MYO3A: variants seen among roughly 807,000 people sequenced by gnomAD.
MYO3A encodes the protein myosin-IIIa.
A neutral mutation model predicts 192.7 loss-of-function variants in MYO3A; 180 were observed. The observed-to-expected ratio is 0.93, with a 90% CI of 0.83 to 1.06. The LOEUF is 1.06. MYO3A is among the 50% of genes least tolerant of loss of function. The pLI is 0.00. For missense variants in MYO3A, 1,896 were observed against 1,905.0 expected (o/e 1.00, Z 0.09); for synonymous variants, 628 against 645.3 (o/e 0.97, Z 0.41).
chr10:26,165,564 CAT>C (rs760154824), intron 26 of MYO3A, among the ~76,000 whole-genome samples: 49 of 152,252 alleles, frequency 3.2e-4, no homozygotes, highest in Middle Eastern at 3.4e-3. Context: ...TAGCAGGAGA[CAT>C]AGTGTCCCTC....
chr10:26,030,488 G>A (rs1842756284), intron 10 of MYO3A, among the ~76,000 whole-genome samples: 1 of 152,130 alleles, frequency 6.6e-6, no homozygotes, highest in South Asian at 2.1e-4. Flanking sequence ...ATTCACACTA[G>A]TCCCAAAGTG....
At chr10:26,207,974 G>A (rs537227930) in intron 34 of MYO3A, among the ~76,000 whole-genome samples, 1 of 152,040 alleles carries the variant, frequency 6.6e-6, no homozygotes, top group Non-Finnish European at 1.5e-5. Flanking sequence ...ACTTTTCAAT[G>A]TATAGATCTT....
rs1471640823 is a variant in MYO3A at position 26,178,702 on chromosome 10, C to CA, written c.4438+1858dup. ...ATTCATCTGTTTTCAAAAGGGAACT[C>CA]AGACAGTCTGAAGACAGTAGGAATT... On this transcript the variant is annotated intron_variant, in intron 31 of 34. Transcript: ENST00000642920. Among the ~76,000 whole-genome samples, 5 of 152,246 alleles carry CA rather than the reference C, an allele frequency of 3.3e-5. No homozygotes were observed. In the East Asian group the frequency reaches 9.7e-4, roughly 29 times the overall value.
chr10:26,034,320 G>T (rs1262124295), intron 10 of MYO3A, among the ~76,000 whole-genome samples: 1 of 152,052 alleles, frequency 6.6e-6, no homozygotes. Flanking sequence ...CACAAGAGTG[G>T]GTGCCCAGAC....
chr10:25,995,763 G>A (rs1380382717), intron 4 of MYO3A, among the ~76,000 whole-genome samples: 1 of 152,226 alleles, frequency 6.6e-6, no homozygotes, highest in Non-Finnish European at 1.5e-5. Context: ...TTTGCTGGAG[G>A]TCCACTCCAG....
At chr10:25,938,073 T>C (rs757537654) in intron 2 of MYO3A, among the ~76,000 whole-genome samples, 8 of 152,244 alleles carry the variant, frequency 5.3e-5, no homozygotes, top group Non-Finnish European at 1.0e-4. Context: ...ATTTAATTTT[T>C]TGTAGGTTTC....
chr10:26,174,833 G>A (rs529293008), intron 30 of MYO3A, among the ~76,000 whole-genome samples: 2 of 152,110 alleles, frequency 1.3e-5, no homozygotes, highest in East Asian at 3.9e-4. Flanking sequence ...GCTGAGGCTC[G>A]ACAGTGAAAA....
chr10:26,050,568 A>G (rs1255081474), intron 10 of MYO3A, among the ~76,000 whole-genome samples: 2 of 152,220 alleles, frequency 1.3e-5, no homozygotes, highest in African/African-American at 4.8e-5. Context: ...CTCTAAGCTA[A>G]GCGTGGAGTG....
At chr10:25,937,232 T>TG (rs1261119026) in intron 2 of MYO3A, among the ~76,000 whole-genome samples, 5 of 152,138 alleles carry the variant, frequency 3.3e-5, no homozygotes, top group Non-Finnish European at 7.4e-5. Flanking sequence ...CCACTTTGGG[T>TG]GGGGTATACA....
intron 28 of MYO3A, among the ~76,000 whole-genome samples, chr10:26,169,801 A>G (rs1316410985): frequency 6.6e-6 from 1 of 152,196 alleles, no homozygotes; most frequent in Non-Finnish European, 1.5e-5. Flanking sequence ...TTTATCCACA[A>G]TTTCAAAATT....
At chr10:26,119,256 G>A (rs538932689) in intron 17 of MYO3A, among the ~76,000 whole-genome samples, 6 of 151,872 alleles carry the variant, frequency 4.0e-5, no homozygotes, top group South Asian at 4.2e-4. Flanking sequence ...TATTTTCTTC[G>A]TAGCCCTTGT....
chr10:26,088,532 T>C (rs1588932570), intron 15 of MYO3A, 127 bp downstream of exon 15: 1 of 891,392 alleles, frequency 1.1e-6, no homozygotes, highest in Non-Finnish European at 1.8e-6. Flanking sequence ...GCACTTACTA[T>C]TGAGAATGAA....
At chr10:26,026,557 A>G in intron 10 of MYO3A, 25 bp downstream of exon 10, 1 of 1,611,370 alleles carries the variant, frequency 6.2e-7, no homozygotes, top group South Asian at 1.1e-5. Flanking sequence ...TCTTGATTCC[A>G]AAATCCAGAG....
At chr10:25,994,343 T>G (rs1840275763) in intron 4 of MYO3A, among the ~76,000 whole-genome samples, 1 of 152,156 alleles carries the variant, frequency 6.6e-6, no homozygotes, top group African/African-American at 2.4e-5. Flanking sequence ...AACCCCTGCA[T>G]TTTTTTGTTT....
At chr10:26,090,727 T>C (rs1051771458) in intron 15 of MYO3A, among the ~76,000 whole-genome samples, 5 of 152,252 alleles carry the variant, frequency 3.3e-5, no homozygotes, top group African/African-American at 1.2e-4. Flanking sequence ...TTAATTGCAC[T>C]GTTATCAATC....
intron 10 of MYO3A, among the ~76,000 whole-genome samples, chr10:26,053,885 G>C (rs1383388485): frequency 3.3e-5 from 5 of 152,134 alleles, no homozygotes; most frequent in Non-Finnish European, 7.4e-5. Flanking sequence ...GAAGTCCTCA[G>C]GGTTGGAGGG....
chr10:25,964,723 A>G (rs149382783), intron 4 of MYO3A, among the ~76,000 whole-genome samples: 94 of 152,146 alleles, frequency 6.2e-4, no homozygotes, highest in African/African-American at 2.2e-3. Flanking sequence ...TTTATTCCTT[A>G]TTAATTTTGT....
intron 17 of MYO3A, among the ~76,000 whole-genome samples, chr10:26,109,432 C>A (rs950773661): frequency 2.6e-5 from 4 of 152,218 alleles, no homozygotes; most frequent in Non-Finnish European, 4.4e-5. Flanking sequence ...CCCACTCCTT[C>A]CATGCTGGTA....
intron 14 of MYO3A, among the ~76,000 whole-genome samples, chr10:26,080,143 T>C (rs1291542162): frequency 1.3e-5 from 2 of 152,212 alleles, no homozygotes; most frequent in African/African-American, 4.8e-5. Context: ...AATTCTCTTC[T>C]TCCTCAGGGA....
Sources: gnomAD v4.1 joint callset for allele counts (sites outside exome capture counted in the v4.1 genomes callset) on GRCh38, gnomAD v4.1.1 for gene constraint, MANE v1.5 for transcripts, NCBI Gene and HGNC (gene_info 2026-07-23, HGNC 2026-07-21) for gene names.